UBASH3B: variants seen among roughly 807,000 people sequenced by gnomAD.
The protein encoded by UBASH3B is ubiquitin associated and SH3 domain containing B, also known as ubiquitin-associated and SH3 domain-containing protein B.
A neutral mutation model predicts 83.4 loss-of-function variants in UBASH3B; 37 were observed. The ratio of observed to expected loss-of-function variants is 0.44; its 90% CI spans 0.34 to 0.58. The LOEUF (loss-of-function observed/expected upper bound fraction) is 0.58. Among genes scored for constraint, UBASH3B ranks in the 20% least tolerant of loss-of-function variants. The pLI, the probability that UBASH3B is intolerant of heterozygous loss-of-function variation, is 0.01. For missense variants in UBASH3B, 657 were observed against 827.2 expected, an observed-to-expected ratio of 0.79 and a Z score of 2.52; for synonymous variants, 304 against 318.3, an observed-to-expected ratio of 0.96 and a Z score of 0.48.
intron 1 of UBASH3B, among the ~76,000 whole-genome samples, chr11:122,697,349 C>T (rs1373284965): frequency 4.6e-5 from 7 of 152,122 alleles, no homozygotes; most frequent in South Asian, 2.1e-4. Flanking sequence ...GCATGATAAT[C>T]GCTTGAACTG....
chr11:122,801,907 G>A (rs1861264431), intron 11 of UBASH3B, among the ~76,000 whole-genome samples: 1 of 152,198 alleles, frequency 6.6e-6, no homozygotes. Flanking sequence ...GCAATCTGCT[G>A]TACAGTCATC....
intron 10 of UBASH3B, among the ~76,000 whole-genome samples, chr11:122,799,333 C>A (rs1209556921): frequency 3.9e-5 from 6 of 151,936 alleles, no homozygotes; most frequent in Non-Finnish European, 7.4e-5. Flanking sequence ...AGTAAAAATA[C>A]AAAATTAGCC....
intron 1 of UBASH3B, among the ~76,000 whole-genome samples, chr11:122,719,166 C>T (rs143875043): frequency 4.3e-4 from 66 of 152,330 alleles, no homozygotes; most frequent in Admixed American, 7.8e-4. Flanking sequence ...TTAACTAACA[C>T]GCTGAGGTTA....
At chr11:122,770,513 C>T (rs576555436) in intron 1 of UBASH3B, among the ~76,000 whole-genome samples, 7 of 150,670 alleles carry the variant, frequency 4.6e-5, no homozygotes, top group Admixed American at 3.3e-4. Context: ...GAAGGTATTC[C>T]TTAGACAGGA....
intron 1 of UBASH3B, among the ~76,000 whole-genome samples, chr11:122,688,745 C>A (rs1338494174): frequency 1.6e-4 from 24 of 151,754 alleles, no homozygotes; most frequent in African/African-American, 5.8e-4. Context: ...CCCGGGTTCA[C>A]CCCATTCTCC....
At chr11:122,737,472 C>G (rs1201172544) in intron 1 of UBASH3B, among the ~76,000 whole-genome samples, 4 of 152,082 alleles carry the variant, frequency 2.6e-5, no homozygotes, top group African/African-American at 9.7e-5. Context: ...TTAGGTGGAT[C>G]TTAGCCTGTT....
In UBASH3B at chr11:122,776,369, T is replaced by C; in HGVS notation, c.215+97T>C. 13 of 1,143,554 alleles carry C rather than the reference T, an allele frequency of 1.1e-5. No homozygotes were observed. In the South Asian group the frequency reaches 1.8e-4, roughly 16 times the overall value. 70.8% of individuals were successfully genotyped at this position (1,143,554 alleles called of 1,614,324 possible). A position where few individuals can be genotyped will look rare whatever the true frequency, so the allele number is the denominator to read the frequency against. On this transcript the variant is annotated intron_variant, in intron 2 of 13. Transcript: ENST00000284273. ...GTGCAGACTTTCTCTAATGGACCCT[T>C]CCAGAAGAGACAGGAGCCAAAAGAC...
chr11:122,683,892 C>T (rs1026076116), intron 1 of UBASH3B, among the ~76,000 whole-genome samples: 3 of 151,896 alleles, frequency 2.0e-5, no homozygotes, highest in Admixed American at 6.6e-5. Context: ...TTGTTGATGA[C>T]GAGGTCTAAT....
At chr11:122,739,258 C>G (rs1860986101) in intron 1 of UBASH3B, among the ~76,000 whole-genome samples, 1 of 152,146 alleles carries the variant, frequency 6.6e-6, no homozygotes, top group Admixed American at 6.5e-5. Context: ...ATTATTCTAA[C>G]AATAGAGAGA....
rs1318586614 is a variant in UBASH3B at position 122,814,245 on chromosome 11, A to G, written c.*4359A>G. On this transcript the variant is annotated 3_prime_UTR_variant, in exon 14 of 14. Transcript: ENST00000284273. ...ATAAGGCTATTGTATTTTTTTTTGT[A>G]TGTGATTCAGGTGTATTTATTTGAA... 1 of 151,978 alleles carries G rather than the reference A, an allele frequency of 6.6e-6. No individual in the cohort carries two copies. Among genetic ancestry groups the G allele is most frequent in the Non-Finnish European group, 1.5e-5 (1 of 67,888 alleles). 9.4% of individuals were successfully genotyped at this position (151,978 alleles called of 1,614,324 possible).
chr11:122,803,536 C>G (rs1238471569), intron 11 of UBASH3B, among the ~76,000 whole-genome samples: 1 of 151,424 alleles, frequency 6.6e-6, no homozygotes, highest in Non-Finnish European at 1.5e-5. Context: ...CAAGACCAGC[C>G]CAGGGCCTGG....
At chr11:122,773,254 G>T (rs1191132770) in intron 1 of UBASH3B, among the ~76,000 whole-genome samples, 1 of 152,248 alleles carries the variant, frequency 6.6e-6, no homozygotes, top group Non-Finnish European at 1.5e-5. Flanking sequence ...CCTCAGCAGA[G>T]TGGAGAGGGA....
In UBASH3B at chr11:122,777,072, G is replaced by A; in HGVS notation, c.264G>A (p.Arg88=). ...CCTTCCTGGATGACCCCCTGCCCCG[G>A]GAGTACGTCCTCTACCTCCGTCCCA... is the stretch of plus-strand genomic sequence containing the variant. ...GDPFLDDPLP[R]EYVLYLRPTG... Residue 88 remains arginine, a synonymous_variant, in exon 3 of 14, where the codon CGG becomes CGA. Transcript: ENST00000284273. The A allele has an allele frequency of 6.2e-7, 1 of 1,613,572 alleles. No homozygotes were observed. The highest frequency in any genetic ancestry group is 8.5e-7 in the Non-Finnish European group (1 of 1,179,772).
chr11:122,763,839 C>T (rs576319972), intron 1 of UBASH3B, among the ~76,000 whole-genome samples: 1 of 152,316 alleles, frequency 6.6e-6, no homozygotes, highest in South Asian at 2.1e-4. Flanking sequence ...TACTGACAGG[C>T]TTCTCTACTG....
At chr11:122,712,053 C>G (rs1450195412) in intron 1 of UBASH3B, among the ~76,000 whole-genome samples, 1 of 142,122 alleles carries the variant, frequency 7.0e-6, no homozygotes, top group Non-Finnish European at 1.5e-5. Flanking sequence ...TTTTTTTTTA[C>G]TGCATTGCTG....
At position 122,700,495 on chromosome 11, in the gene UBASH3B, A is replaced by ATTT. The variant is rs1282455337; in HGVS notation, c.161+44286_161+44287insTTT. The stretch of plus-strand genomic sequence containing the variant: ...TACTCACTCTCATAGTTTACTTCTG[A>ATTT]TCTTTTTTTTTTTTTTTTTGAGATG... On this transcript the variant is annotated intron_variant, in intron 1 of 13. Transcript: ENST00000284273. 1.2e-4 allele frequency among the ~76,000 whole-genome samples: 7 copies of ATTT among 60,436 alleles called. No individual in the cohort carries two copies. The East Asian group carries it at 2.9e-3, about 25-fold the overall frequency. 39.6% of individuals were successfully genotyped at this position (60,436 alleles called of 152,430 possible).
chr11:122,707,571 A>C (rs1247815615), intron 1 of UBASH3B, among the ~76,000 whole-genome samples: 1 of 152,142 alleles, frequency 6.6e-6, no homozygotes, highest in Non-Finnish European at 1.5e-5. Flanking sequence ...ACTAACCACA[A>C]TGCCTGGTAA....
chr11:122,727,162 G>A (rs572810835), intron 1 of UBASH3B, among the ~76,000 whole-genome samples: 3 of 152,250 alleles, frequency 2.0e-5, no homozygotes, highest in Admixed American at 1.3e-4. Flanking sequence ...GCGTCCTGCC[G>A]GGGACTCCTG....
intron 1 of UBASH3B, among the ~76,000 whole-genome samples, chr11:122,716,900 C>T (rs11218769): frequency 1.3e-5 from 2 of 152,092 alleles, no homozygotes; most frequent in African/African-American, 4.8e-5. Context: ...CTCTTCTAGC[C>T]TCACAATTTG....
Sources: allele counts gnomAD v4.1 joint callset (sites outside exome capture counted in the v4.1 genomes callset), GRCh38; gene constraint gnomAD v4.1.1; transcripts MANE v1.5; gene names NCBI Gene and HGNC (gene_info 2026-07-23, HGNC 2026-07-21).